The following RNF145 variants were observed in gnomAD, a reference collection of about 807,000 sequenced individuals.
RNF145 encodes the protein ring finger protein 145.
RNF145 carries 12 observed loss-of-function variants against 57.3 expected under a neutral mutation model. The observed-to-expected ratio is 0.21, with a 90% CI of 0.13 to 0.34. The LOEUF (loss-of-function observed/expected upper bound fraction) is 0.34. RNF145 is among the 10% of genes least tolerant of loss of function. The pLI is 1.00. For synonymous variants in RNF145, 262 were observed against 288.3 expected, an observed-to-expected ratio of 0.91 and a Z score of 0.92; for missense variants, 429 against 799.0, an observed-to-expected ratio of 0.54 and a Z score of 5.58.
intron 1 of RNF145, among the ~76,000 whole-genome samples, chr5:159,207,003 G>GC (rs773127616): frequency 6.6e-6 from 1 of 150,838 alleles, no homozygotes; most frequent in Non-Finnish European, 1.5e-5. Context: ...CACAAGAGGT[G>GC]CAACAAATGC....
intron 4 of RNF145, among the ~76,000 whole-genome samples, chr5:159,179,662 A>G (rs1364646512): frequency 6.6e-6 from 1 of 152,130 alleles, no homozygotes; most frequent in Admixed American, 6.6e-5. Context: ...ATAAACTAAA[A>G]CTTTACAAGC....
chr5:159,198,436 T>C (rs1785536679), intron 2 of RNF145, among the ~76,000 whole-genome samples: 1 of 152,174 alleles, frequency 6.6e-6, no homozygotes, highest in Admixed American at 6.5e-5. Flanking sequence ...AGAGGTAAGA[T>C]GAGAGCCTGG....
At chr5:159,188,771 C>T (rs1785178027) in intron 3 of RNF145, among the ~76,000 whole-genome samples, 1 of 152,120 alleles carries the variant, frequency 6.6e-6, no homozygotes, top group Admixed American at 6.5e-5. Context: ...ATTCTATAGA[C>T]ATATTCTAAA....
chr5:159,192,949 T>C (rs1243819864), intron 3 of RNF145, among the ~76,000 whole-genome samples: 1 of 152,144 alleles, frequency 6.6e-6, no homozygotes, highest in Non-Finnish European at 1.5e-5. Context: ...TAAGCAAAGA[T>C]GGGAAAGTGT....
intron 2 of RNF145, among the ~76,000 whole-genome samples, chr5:159,199,796 C>T (rs1424915110): frequency 6.6e-6 from 1 of 152,194 alleles, no homozygotes; most frequent in African/African-American, 2.4e-5. Context: ...TTCTACCTTA[C>T]CAATATTACT....
At chr5:159,203,291 T>C in intron 2 of RNF145, 143 bp downstream of exon 2, 1 of 618,406 alleles carries the variant, frequency 1.6e-6, no homozygotes, top group East Asian at 2.7e-5. Flanking sequence ...GACAAAACTA[T>C]CAAGATTCAT....
rs1035935414 is a variant in RNF145, at chr5:159,209,438, T to G, written c.-247A>C. The stretch of plus-strand genomic sequence containing the variant: ...GCGGCAGCGGCAGCGGCCCGGCCCG[T>G]ACGGTCACCATCGTCCGCGGCAGCA... On this transcript the variant is annotated 5_prime_UTR_variant, in exon 1 of 11. Transcript: ENST00000424310. The G allele has an allele frequency of 2.0e-6, 2 of 984,438 alleles. No individual in the cohort carries two copies. The highest frequency in any genetic ancestry group is 3.5e-5 in the African/African-American group (2 of 56,956). 61.0% of individuals were successfully genotyped at this position (984,438 alleles called of 1,614,324 possible).
chr5:159,163,095 A>G lies in RNF145; in HGVS notation c.1122-16T>C. Reference sequence around the variant, plus strand: ...CCACAAGCTCCTGGAGAAAGACAAAATTATTCTTTTTAAGTGCCTGCCACC... The same window carrying G: ...CCACAAGCTCCTGGAGAAAGACAAAGTTATTCTTTTTAAGTGCCTGCCACC... On this transcript the variant is annotated splice_polypyrimidine_tract_variant and intron_variant, in intron 8 of 10. Coordinates refer to ENST00000424310, the MANE Select transcript of RNF145 (RefSeq NM_001199383.2). 6.3e-7 allele frequency: 1 copy of G among 1,582,390 alleles called. No homozygotes were observed. The highest frequency in any genetic ancestry group is 2.2e-5 in the East Asian group (1 of 44,644).
chr5:159,194,237 C>T (rs1032397326), intron 3 of RNF145, among the ~76,000 whole-genome samples: 1 of 152,226 alleles, frequency 6.6e-6, no homozygotes, highest in African/African-American at 2.4e-5. Context: ...AATGCTCCTA[C>T]AGCCTACTTT....
intron 2 of RNF145, among the ~76,000 whole-genome samples, chr5:159,201,023 AG>A: frequency 1.3e-5 from 2 of 152,258 alleles, no homozygotes; most frequent in Non-Finnish European, 2.9e-5. Context: ...GGTACAAAAT[AG>A]TAAAACCCTA....
intron 3 of RNF145, among the ~76,000 whole-genome samples, chr5:159,190,592 G>C (rs1376967436): frequency 6.6e-6 from 1 of 150,460 alleles, no homozygotes; most frequent in Non-Finnish European, 1.5e-5. Context: ...TCAAGAGGCT[G>C]AGGTGGGAGA....
chr5:159,173,763 C>T (rs1005967625), intron 6 of RNF145, among the ~76,000 whole-genome samples: 1 of 152,078 alleles, frequency 6.6e-6, no homozygotes, highest in African/African-American at 2.4e-5. Flanking sequence ...AAATCATTTG[C>T]TACACTCTGG....
chr5:159,208,923 G>A (rs779630875), intron 1 of RNF145, among the ~76,000 whole-genome samples: 7 of 151,620 alleles, frequency 4.6e-5, no homozygotes, highest in Non-Finnish European at 7.4e-5. Context: ...AGGGCGGGGA[G>A]GCAGCCGAGG....
At chr5:159,209,009 C>T (rs1028935643) in intron 1 of RNF145, among the ~76,000 whole-genome samples, 1 of 150,630 alleles carries the variant, frequency 6.6e-6, no homozygotes, top group Admixed American at 6.6e-5. Flanking sequence ...GCGACCACCG[C>T]GGGAAGAGCT....
intron 5 of RNF145, among the ~76,000 whole-genome samples, chr5:159,175,234 T>G (rs1478960900): frequency 6.6e-6 from 1 of 152,156 alleles, no homozygotes; most frequent in Non-Finnish European, 1.5e-5. Flanking sequence ...TGCAAAATTA[T>G]TATCAGGTAA....
chr5:159,195,042 T>C (rs1785410829), intron 2 of RNF145, among the ~76,000 whole-genome samples: 1 of 152,260 alleles, frequency 6.6e-6, no homozygotes, highest in Non-Finnish European at 1.5e-5. Flanking sequence ...TAGATTTCTC[T>C]ACCTAATAAT....
At chr5:159,205,821 T>G (rs1198843669) in intron 1 of RNF145, among the ~76,000 whole-genome samples, 1 of 152,218 alleles carries the variant, frequency 6.6e-6, no homozygotes, top group Non-Finnish European at 1.5e-5. Flanking sequence ...TTTATTTCAT[T>G]TGATTTGGAA....
upstream of RNF145, chr5:159,209,801 G>C (rs1786050312): frequency 6.7e-7 from 1 of 1,493,336 alleles, no homozygotes; most frequent in Non-Finnish European, 9.0e-7. Flanking sequence ...TGACACACGT[G>C]CTCTCTCACT....
Position 159,163,091 on chromosome 5 carries a change from C to G in RNF145, c.1122-12G>C. 1 of 1,583,106 alleles carries G rather than the reference C, an allele frequency of 6.3e-7. No individual in the cohort carries two copies. Reference sequence around the variant, plus strand: ...GTTTCCACAAGCTCCTGGAGAAAGACAAAATTATTCTTTTTAAGTGCCTGC... The same window carrying G: ...GTTTCCACAAGCTCCTGGAGAAAGAGAAAATTATTCTTTTTAAGTGCCTGC... On this transcript the variant is annotated splice_polypyrimidine_tract_variant and intron_variant, in intron 8 of 10. Coordinates refer to ENST00000424310, the MANE Select transcript of RNF145 (RefSeq NM_001199383.2).
Sources: gnomAD v4.1 joint callset for allele counts (sites outside exome capture counted in the v4.1 genomes callset) on GRCh38, gnomAD v4.1.1 for gene constraint, MANE v1.5 for transcripts, NCBI Gene and HGNC (gene_info 2026-07-23, HGNC 2026-07-21) for gene names.